GSG1L: variants seen among roughly 807,000 people sequenced by gnomAD.
The protein encoded by GSG1L is GSG1 like, also known as germ cell-specific gene 1-like protein.
GSG1L carries 24 observed loss-of-function variants against 42.1 expected under a neutral mutation model. That is an observed-to-expected ratio of 0.57 (90% CI 0.41 to 0.80). The LOEUF is 0.80. Among genes scored for constraint, GSG1L ranks in the 30% least tolerant of loss-of-function variants. The pLI is 0.00. For missense variants in GSG1L, 445 were observed against 472.2 expected (o/e 0.94, Z 0.53); for synonymous variants, 215 against 203.5 (o/e 1.06, Z -0.48).
chr16:27,969,865 C>T (rs962844547), intron 1 of GSG1L, among the ~76,000 whole-genome samples: 2 of 152,234 alleles, frequency 1.3e-5, no homozygotes, highest in African/African-American at 4.8e-5. Context: ...TTCAGCAACA[C>T]TTGCTATTGT....
In GSG1L at chr16:27,796,788, T is replaced by A. The variant is rs1160129010; in HGVS notation, c.899-5321A>T. On this transcript the variant is annotated intron_variant, in intron 6 of 6. Coordinates refer to ENST00000447459, the MANE Select transcript of GSG1L (RefSeq NM_001109763.2). ...CTTTGTCTCTTTCTTGCCCTTGGGA[T>A]GAGACAAAGTCCACTGCACCTGCCA... Among the ~76,000 whole-genome samples the A allele has an allele frequency of 2.0e-5, 3 of 152,206 alleles. No homozygotes were observed. The East Asian group carries it at 5.8e-4, about 29-fold the overall frequency.
At chr16:27,809,371 C>T (rs1181186882) in intron 5 of GSG1L, among the ~76,000 whole-genome samples, 1 of 152,058 alleles carries the variant, frequency 6.6e-6, no homozygotes, top group Non-Finnish European at 1.5e-5. Flanking sequence ...CCACTGCACT[C>T]CAGCCTGGGC....
chr16:27,825,757 TA>T (rs61707103), intron 5 of GSG1L, among the ~76,000 whole-genome samples: 50,789 of 151,902 alleles, frequency 0.33, 8,963 homozygotes, highest in African/African-American at 0.45. Flanking sequence ...ACAGTACCCC[TA>T]ATAATGTCCT....
At chr16:27,939,468 C>T (rs866441255) in intron 2 of GSG1L, among the ~76,000 whole-genome samples, 2 of 152,114 alleles carry the variant, frequency 1.3e-5, no homozygotes, top group Non-Finnish European at 2.9e-5. Flanking sequence ...AACCTTGAGA[C>T]CTGAACTGAG....
intron 2 of GSG1L, among the ~76,000 whole-genome samples, chr16:27,922,062 A>G (rs1161699610): frequency 1.4e-5 from 2 of 148,088 alleles, no homozygotes; most frequent in Non-Finnish European, 3.0e-5. Flanking sequence ...ATCAGAACAT[A>G]ATAAACAAAT....
chr16:28,031,335 T>C (rs751972124), intron 1 of GSG1L, among the ~76,000 whole-genome samples: 2 of 117,734 alleles, frequency 1.7e-5, no homozygotes, highest in African/African-American at 6.7e-5. Context: ...TGGGATGAGA[T>C]GGGATGGGAT....
intron 3 of GSG1L, among the ~76,000 whole-genome samples, chr16:27,853,105 G>A (rs1325684665): frequency 6.6e-6 from 1 of 152,202 alleles, no homozygotes; most frequent in Non-Finnish European, 1.5e-5. Context: ...GAAACTAAAA[G>A]CTGCTGTTTC....
At chr16:27,845,798 T>C (rs543782964) in intron 3 of GSG1L, among the ~76,000 whole-genome samples, 2 of 152,356 alleles carry the variant, frequency 1.3e-5, no homozygotes, top group African/African-American at 4.8e-5. Context: ...CCAATTTTCT[T>C]TTTGTTTTTA....
At chr16:28,055,209 A>G (rs1056206192) in intron 1 of GSG1L, among the ~76,000 whole-genome samples, 2 of 152,154 alleles carry the variant, frequency 1.3e-5, no homozygotes, top group Non-Finnish European at 2.9e-5. Context: ...GGGCTGGAGC[A>G]CAGTGACACG....
At chr16:27,810,645 A>G (rs1439381675) in intron 5 of GSG1L, among the ~76,000 whole-genome samples, 1 of 152,118 alleles carries the variant, frequency 6.6e-6, no homozygotes, top group Non-Finnish European at 1.5e-5. Flanking sequence ...TGCCTTAGAA[A>G]GGCAAATTTC....
chr16:27,972,966 G>C (rs1013053289), intron 1 of GSG1L, among the ~76,000 whole-genome samples: 1 of 152,210 alleles, frequency 6.6e-6, no homozygotes, highest in Non-Finnish European at 1.5e-5. Flanking sequence ...GAATAGTTCA[G>C]TGGTCAGGGG....
At chr16:28,037,641 A>G (rs1476262934) in intron 1 of GSG1L, among the ~76,000 whole-genome samples, 2 of 152,200 alleles carry the variant, frequency 1.3e-5, no homozygotes, top group Non-Finnish European at 2.9e-5. Context: ...AACAATAACA[A>G]CAATAGCAGC....
chr16:28,038,686 G>A (rs1459923273), intron 1 of GSG1L, among the ~76,000 whole-genome samples: 5 of 152,206 alleles, frequency 3.3e-5, no homozygotes, highest in African/African-American at 1.2e-4. Flanking sequence ...TACCCAGAGA[G>A]AGCAGACTGC....
At chr16:27,996,325 A>G (rs1028382479) in intron 1 of GSG1L, among the ~76,000 whole-genome samples, 1 of 152,232 alleles carries the variant, frequency 6.6e-6, no homozygotes, top group African/African-American at 2.4e-5. Context: ...TATTCTCTGT[A>G]ACCCAACAAT....
chr16:27,910,149 C>A (rs1263628916), intron 2 of GSG1L, among the ~76,000 whole-genome samples: 2 of 135,148 alleles, frequency 1.5e-5, no homozygotes, highest in Admixed American at 7.2e-5. Flanking sequence ...TTTTAGTAGA[C>A]ACGGGTTTTC....
intron 6 of GSG1L, among the ~76,000 whole-genome samples, chr16:27,801,486 G>A (rs781094451): frequency 9.9e-5 from 15 of 152,168 alleles, no homozygotes; most frequent in Non-Finnish European, 1.8e-4. Context: ...TCAGCCCATC[G>A]CAGGATCTGA....
At chr16:28,020,089 C>T (rs1428912802) in intron 1 of GSG1L, among the ~76,000 whole-genome samples, 4 of 152,210 alleles carry the variant, frequency 2.6e-5, no homozygotes, top group Non-Finnish European at 5.9e-5. Context: ...TCAATGCCTT[C>T]GTTCGCGCAG....
chr16:28,023,049 A>C (rs1470729730), intron 1 of GSG1L, among the ~76,000 whole-genome samples: 1 of 152,050 alleles, frequency 6.6e-6, no homozygotes, highest in Non-Finnish European at 1.5e-5. Flanking sequence ...GGCTGATCTC[A>C]AACTCCTGGC....
At chr16:28,009,440 C>T (rs9925841) in intron 1 of GSG1L, among the ~76,000 whole-genome samples, 102 of 152,298 alleles carry the variant, frequency 6.7e-4, no homozygotes, top group African/African-American at 2.3e-3. Flanking sequence ...TGTGGGAACA[C>T]ATGCATTTGT....
Sources: allele counts gnomAD v4.1 joint callset (sites outside exome capture counted in the v4.1 genomes callset), GRCh38; gene constraint gnomAD v4.1.1; transcripts MANE v1.5; gene names NCBI Gene and HGNC (gene_info 2026-07-23, HGNC 2026-07-21).